ADGRD1: variants seen among roughly 807,000 people sequenced by gnomAD.
ADGRD1 encodes G-protein coupled receptor 133.
A neutral mutation model predicts 113.4 loss-of-function variants in ADGRD1; 77 were observed. The ratio of observed to expected loss-of-function variants is 0.68; its 90% confidence interval spans 0.57 to 0.82. The LOEUF (loss-of-function observed/expected upper bound fraction) is 0.82. ADGRD1 is among the 40% of genes least tolerant of loss of function. The pLI is 0.00. For missense variants in ADGRD1, 1,036 were observed against 1,139.1 expected (o/e 0.91, Z 1.30); for synonymous variants, 474 against 475.0 (o/e 1.00, Z 0.03).
Position 130,971,714 on chromosome 12 carries a change from C to G in ADGRD1, c.310+134C>G. 1.1e-6 allele frequency: 1 copy of G among 889,232 alleles called. No homozygotes were observed. Among genetic ancestry groups the G allele is most frequent in the African/African-American group, 1.7e-5 (1 of 58,856 alleles). 55.1% of individuals were successfully genotyped at this position (889,232 alleles called of 1,614,324 possible). A position where few individuals can be genotyped will look rare whatever the true frequency, so the allele number is the denominator to read the frequency against. On this transcript the variant is annotated intron_variant, in intron 4 of 24. Transcript: ENST00000261654. This position sits in a 1 kb window ranked among gnomAD's most constrained non-coding sequence, Gnocchi z 4.2. ...ATGCGTGAGAATGTCAACGATGGAT[C>G]GGAGGGCAGGGGAGGGAGGAATACA...
chr12:130,978,918 G>A (rs1418251850), intron 4 of ADGRD1: 1 of 152,214 alleles, frequency 6.6e-6, no homozygotes, highest in Non-Finnish European at 1.5e-5. Flanking sequence ...AGTGTGCAGG[G>A]AAGTGGCGGG....
At chr12:131,131,092 CCTA>C (rs1462234021) in intron 20 of ADGRD1, among the ~76,000 whole-genome samples, 3 of 152,218 alleles carry the variant, frequency 2.0e-5, no homozygotes, top group Non-Finnish European at 2.9e-5. Context: ...TCGCCAGCCT[CCTA>C]CTGAGGGAGC....
intron 20 of ADGRD1, 139 bp downstream of exon 20, chr12:131,121,052 G>GGGCTC: frequency 1.4e-6 from 1 of 699,256 alleles, no homozygotes; most frequent in Non-Finnish European, 2.4e-6. Flanking sequence ...CTCCTCGCTA[G>GGGCTC]GGCTCCTCTG....
At chr12:130,998,756 C>T (rs183468684) in intron 8 of ADGRD1, among the ~76,000 whole-genome samples, 9 of 152,262 alleles carry the variant, frequency 5.9e-5, no homozygotes, top group East Asian at 1.9e-4. Context: ...TGAGCCACTG[C>T]GCCCGGCCCC....
At chr12:131,076,659 A>G (rs1043351590) in intron 13 of ADGRD1, 142 bp from the exon 14 acceptor site, 1 of 715,668 alleles carries the variant, frequency 1.4e-6, no homozygotes, top group South Asian at 1.6e-5. Context: ...CACACCCACA[A>G]TGGATGGAGA....
intron 2 of ADGRD1, among the ~76,000 whole-genome samples, chr12:130,964,336 T>C (rs1363357577): frequency 3.3e-5 from 5 of 152,152 alleles, no homozygotes; most frequent in Admixed American, 3.3e-4. Flanking sequence ...ATTTTTTCCA[T>C]GTGGTGAACT....
At chr12:131,137,745 G>T in intron 23 of ADGRD1, 1 of 281,186 alleles carries the variant, frequency 3.6e-6, no homozygotes, top group South Asian at 4.1e-5. Flanking sequence ...TGATCGCAAC[G>T]CCCAGTGACC....
chr12:130,987,294 C>G lies in ADGRD1; in HGVS notation c.690C>G (p.Ile230Met). Residue 230 changes from isoleucine to methionine, a missense_variant, in exon 6 of 25, where the codon ATC (isoleucine) becomes ATG (methionine). Ile to Met is a conservative substitution (Grantham distance 10). Coordinates refer to ENST00000261654, the MANE Select transcript of ADGRD1 (RefSeq NM_198827.5). The stretch of plus-strand genomic sequence containing the variant: ...ACGGTGCTTTCGATGAGTTCATCAT[C>G]TGGGAGCGGGCTCTGACTCCGGATG... ...YENGAFDEFI[I>M]WERALTPDEI... is the part of the protein sequence containing the mutation. 1 of 1,614,226 alleles carries G rather than the reference C, an allele frequency of 6.2e-7. No individual in the cohort carries two copies. Among genetic ancestry groups the G allele is most frequent in the Non-Finnish European group, 8.5e-7 (1 of 1,180,030 alleles).
intron 12 of ADGRD1, among the ~76,000 whole-genome samples, chr12:131,011,521 G>A (rs189256947): frequency 3.5e-3 from 531 of 152,246 alleles, no homozygotes; most frequent in African/African-American, 0.012. Flanking sequence ...TGTCAGGCGT[G>A]GTTCCGGGAG....
rs543571081 is a variant in ADGRD1 at position 131,140,827 on chromosome 12, C to T, written c.*1564C>T. On this transcript the variant is annotated 3_prime_UTR_variant, in exon 25 of 25. Coordinates refer to ENST00000261654, the MANE Select transcript of ADGRD1 (RefSeq NM_198827.5). ...GGTGAACCTTTGCTCTTCTGTCAGG[C>T]GAGGCCCAGGCTGCACCAGCCACCT... 1 of 152,368 alleles carries T rather than the reference C, an allele frequency of 6.6e-6. No homozygotes were observed. The highest frequency in any genetic ancestry group is 2.1e-4 in the South Asian group (1 of 4,820). 9.4% of individuals were successfully genotyped at this position (152,368 alleles called of 1,614,324 possible). A position where few individuals can be genotyped will look rare whatever the true frequency, so the allele number is the denominator to read the frequency against.
In ADGRD1 at chr12:131,003,333, G is replaced by C; in HGVS notation, c.1144+31G>C. The C allele has an allele frequency of 6.9e-7, 1 of 1,450,858 alleles. No individual in the cohort carries two copies. 89.9% of individuals were successfully genotyped at this position (1,450,858 alleles called of 1,614,324 possible). A position where few individuals can be genotyped will look rare whatever the true frequency, so the allele number is the denominator to read the frequency against. ...TGTCGCTTGTAAGGGTGAGCCACAT[G>C]GCAGGGGCGGGGGCTGGAGGCTGCG... On this transcript the variant is annotated intron_variant, in intron 10 of 24. Coordinates refer to ENST00000261654, the MANE Select transcript of ADGRD1 (RefSeq NM_198827.5). This position sits in a 1 kb window ranked among gnomAD's most constrained non-coding sequence, Gnocchi z 4.8.
In ADGRD1 at chr12:131,120,849, G is replaced by A. The variant is rs2137415141; in HGVS notation, c.2111G>A (p.Cys704Tyr). 6.2e-7 allele frequency: 1 copy of A among 1,614,234 alleles called. No individual in the cohort carries two copies. Among genetic ancestry groups the A allele is most frequent in the Non-Finnish European group, 8.5e-7 (1 of 1,180,036 alleles). ...AMDSYGTSNN[C>Y]WLSLASGAIW... ...AACGGCTCTGCTTCCCTCCGCAGTT[G>A]CTGGCTGTCGTTGGCGAGTGGCGCC... The change falls in exon 20 of 25, where the codon TGC becomes TAC. Residue 704 changes from cysteine (C) to tyrosine (Y), a missense_variant and splice_region_variant. Physicochemically the swap from Cys to Tyr is radical, Grantham distance 194 (BLOSUM62 -2). Coordinates refer to ENST00000261654, the MANE Select transcript of ADGRD1 (RefSeq NM_198827.5).
At position 131,075,675 on chromosome 12, in the gene ADGRD1, G is replaced by T. The variant is rs928500395; in HGVS notation, c.1474-1126G>T. Among the ~76,000 whole-genome samples, 6 of 152,218 alleles carry T rather than the reference G, an allele frequency of 3.9e-5. No homozygotes were observed. The highest frequency in any genetic ancestry group is 5.9e-5 in the Non-Finnish European group (4 of 68,034). The stretch of plus-strand genomic sequence containing the variant: ...TTGGTTCTGCAGTGGGGTCCGAGGT[G>T]CCTGTCAGGGGCACCAGAGCTGCTG... On this transcript the variant is annotated intron_variant, in intron 13 of 24. Transcript: ENST00000261654. The surrounding 1 kb of genome is among the most constrained non-coding windows in gnomAD (Gnocchi z 5.3).
At chr12:131,109,391 T>TTA (rs1389680859) in intron 18 of ADGRD1, among the ~76,000 whole-genome samples, 2 of 152,198 alleles carry the variant, frequency 1.3e-5, no homozygotes, top group African/African-American at 4.8e-5. Flanking sequence ...GCATGTATAG[T>TTA]TATATATTTC....
chr12:130,968,908 A>T (rs1871303719), intron 3 of ADGRD1: 2 of 852,624 alleles, frequency 2.3e-6, no homozygotes, highest in Non-Finnish European at 3.8e-6. Context: ...AGGTTGAGAG[A>T]TATGTTGGTC....
chr12:131,021,987 A>G (rs1429280752), intron 13 of ADGRD1, among the ~76,000 whole-genome samples: 2 of 152,100 alleles, frequency 1.3e-5, no homozygotes, highest in African/African-American at 4.8e-5. Context: ...TACAGGTATG[A>G]GCCACCGCGC....
At chr12:131,023,159 C>G (rs1254362257) in intron 13 of ADGRD1, 1 of 152,192 alleles carries the variant, frequency 6.6e-6, no homozygotes, top group African/African-American at 2.4e-5. Flanking sequence ...TTCCCACCCT[C>G]TCTGCTTTTA....
At chr12:131,110,224 C>A (rs1005827676) in intron 18 of ADGRD1, among the ~76,000 whole-genome samples, 7 of 152,172 alleles carry the variant, frequency 4.6e-5, no homozygotes, top group Non-Finnish European at 1.0e-4. Flanking sequence ...GGATTCACAT[C>A]AACAATTTTT....
In ADGRD1 at chr12:131,120,907, C is replaced by T. The variant is rs1323199752; in HGVS notation, c.2169C>T (p.Val723=). 1.9e-6 allele frequency: 3 copies of T among 1,614,014 alleles called. No homozygotes were observed. The highest frequency in any genetic ancestry group is 2.2e-5 in the East Asian group (1 of 44,868). ...IWAFVAPALF[V]IVVNIGILIA... The stretch of plus-strand genomic sequence containing the variant: ...CCTTTGTAGCCCCTGCCCTGTTTGT[C>T]ATCGTGGTACGTTTCCTACCCTTGT... The change falls in exon 20 of 25, where the codon GTC becomes GTT. Residue 723 remains valine, a synonymous_variant. Transcript: ENST00000261654.
Sources: allele counts gnomAD v4.1 joint callset (sites outside exome capture counted in the v4.1 genomes callset), GRCh38; gene constraint gnomAD v4.1.1; non-coding constraint Gnocchi (gnomAD v3.1); transcripts MANE v1.5; gene names NCBI Gene and HGNC (gene_info 2026-07-23, HGNC 2026-07-21).